DGKB: variants seen among roughly 807,000 people sequenced by gnomAD.
DGKB encodes the protein 90 kDa diacylglycerol kinase.
A neutral mutation model predicts 114.3 loss-of-function variants in DGKB; 67 were observed. The ratio of observed to expected loss-of-function variants is 0.59; its 90% confidence interval spans 0.48 to 0.72. The LOEUF is 0.72. DGKB is among the 30% of genes least tolerant of loss of function. The probability of loss-of-function intolerance (pLI) is 0.00; values close to 1 mark genes in which losing one functional copy is unlikely to be tolerated. For missense variants in DGKB, 907 were observed against 975.2 expected, an observed-to-expected ratio of 0.93 and a Z score of 0.93; for synonymous variants, 398 against 323.1, an observed-to-expected ratio of 1.23 and a Z score of -2.49.
At chr7:14,585,800 CATT>C (rs1800663975) in intron 17 of DGKB, among the ~76,000 whole-genome samples, 1 of 152,076 alleles carries the variant, frequency 6.6e-6, no homozygotes, top group Non-Finnish European at 1.5e-5. Flanking sequence ...CAAGCTTTTT[CATT>C]ATTATTATAT....
chr7:14,382,332 T>C (rs1819615261), intron 21 of DGKB, among the ~76,000 whole-genome samples: 1 of 151,562 alleles, frequency 6.6e-6, no homozygotes, highest in Non-Finnish European at 1.5e-5. Context: ...ACAAGGCACA[T>C]ACAACCTATA....
At chr7:14,609,464 G>A (rs1008136441) in intron 16 of DGKB, among the ~76,000 whole-genome samples, 9 of 151,784 alleles carry the variant, frequency 5.9e-5, no homozygotes, top group African/African-American at 1.5e-4. Context: ...AATACCCCAC[G>A]TGACAATGGC....
At chr7:14,355,088 T>C (rs1409744914) in intron 21 of DGKB, among the ~76,000 whole-genome samples, 2 of 152,114 alleles carry the variant, frequency 1.3e-5, no homozygotes, top group African/African-American at 4.8e-5. Flanking sequence ...GAATTGCTTG[T>C]TCCCCCATCC....
At chr7:14,236,077 G>A (rs1293908732) in intron 23 of DGKB, among the ~76,000 whole-genome samples, 1 of 151,910 alleles carries the variant, frequency 6.6e-6, no homozygotes, top group Non-Finnish European at 1.5e-5. Context: ...AAAAATTACT[G>A]TAAAATATGT....
At chr7:14,697,776 G>GAGAA (rs1227326439) in intron 8 of DGKB, among the ~76,000 whole-genome samples, 1 of 100,776 alleles carries the variant, frequency 9.9e-6, no homozygotes, top group Admixed American at 9.4e-5. Context: ...AAGAAACAAA[G>GAGAA]AGAAAGAAAG....
At chr7:14,922,999 C>G (rs1784581943) in intron 1 of DGKB, among the ~76,000 whole-genome samples, 1 of 152,246 alleles carries the variant, frequency 6.6e-6, no homozygotes, top group Non-Finnish European at 1.5e-5. Flanking sequence ...TTAACATCTC[C>G]CCTTTCTCCA....
chr7:14,312,961 T>A (rs938692570), intron 23 of DGKB, among the ~76,000 whole-genome samples: 13 of 152,210 alleles, frequency 8.5e-5, no homozygotes, highest in Admixed American at 5.9e-4. Context: ...AGAACTGATA[T>A]TATTTTCAAA....
At chr7:14,970,711 C>A (rs1787414637) in intron 1 of DGKB, among the ~76,000 whole-genome samples, 1 of 152,092 alleles carries the variant, frequency 6.6e-6, no homozygotes, top group African/African-American at 2.4e-5. Context: ...GTAATTCTCC[C>A]CCTGACTCCC....
At chr7:14,447,243 C>A (rs545317510) in intron 21 of DGKB, among the ~76,000 whole-genome samples, 41 of 152,250 alleles carry the variant, frequency 2.7e-4, no homozygotes, top group African/African-American at 9.4e-4. Context: ...CAGCCCCTTA[C>A]TGGCAGCCCT....
intron 1 of DGKB, among the ~76,000 whole-genome samples, chr7:14,972,191 A>T (rs532347427): frequency 6.6e-6 from 1 of 152,312 alleles, no homozygotes; most frequent in South Asian, 2.1e-4. Context: ...CATGTATTGC[A>T]AATAAACTAA....
At chr7:14,958,089 T>C (rs1449340452) in intron 1 of DGKB, among the ~76,000 whole-genome samples, 1 of 152,068 alleles carries the variant, frequency 6.6e-6, no homozygotes, top group East Asian at 1.9e-4. Flanking sequence ...ATACAAATTC[T>C]AGATTGTTCT....
chr7:14,284,503 A>G (rs1800509160), intron 23 of DGKB, among the ~76,000 whole-genome samples: 1 of 144,902 alleles, frequency 6.9e-6, no homozygotes, highest in Admixed American at 6.6e-5. Flanking sequence ...CAGCCATCCT[A>G]TTACTGGGTA....
chr7:14,325,991 G>C (rs7798729), intron 23 of DGKB, among the ~76,000 whole-genome samples: 35,715 of 151,620 alleles, frequency 0.24, 5,101 homozygotes, highest in South Asian at 0.37. Context: ...CAAGGAGGTA[G>C]AAAAGTCAGA....
chr7:14,751,053 C>T (rs4721368), intron 4 of DGKB, among the ~76,000 whole-genome samples: 53,966 of 151,674 alleles, frequency 0.36, 13,293 homozygotes, highest in African/African-American at 0.69. Context: ...CCCCAAATGA[C>T]TGGCCCACGT....
chr7:14,621,887 T>C (rs1347304632), intron 14 of DGKB, among the ~76,000 whole-genome samples: 2 of 152,144 alleles, frequency 1.3e-5, no homozygotes, highest in East Asian at 1.9e-4. Context: ...ACATGCAATA[T>C]TGAAAATTAT....
At chr7:14,400,567 G>T (rs780606810) in intron 21 of DGKB, among the ~76,000 whole-genome samples, 3 of 151,716 alleles carry the variant, frequency 2.0e-5, no homozygotes, top group Non-Finnish European at 4.4e-5. Flanking sequence ...AAATAATCCT[G>T]CTTTTCAGCG....
At chr7:14,548,469 C>G (rs1259812353) in intron 20 of DGKB, among the ~76,000 whole-genome samples, 1 of 152,094 alleles carries the variant, frequency 6.6e-6, no homozygotes, top group South Asian at 2.1e-4. Context: ...TGGACAGGAG[C>G]TAGCCTTGTA....
At chr7:14,536,138 A>G (rs1318334828) in intron 20 of DGKB, among the ~76,000 whole-genome samples, 1 of 152,204 alleles carries the variant, frequency 6.6e-6, no homozygotes, top group African/African-American at 2.4e-5. Flanking sequence ...GGTAATGAAT[A>G]AAGAGTTCCA....
chr7:14,203,117 C>T (rs1002596328), intron 23 of DGKB, among the ~76,000 whole-genome samples: 4 of 136,652 alleles, frequency 2.9e-5, no homozygotes, highest in African/African-American at 8.6e-5. Flanking sequence ...AACAGATGTG[C>T]GAATAATCTC....
Sources: gnomAD v4.1 joint callset for allele counts (sites outside exome capture counted in the v4.1 genomes callset) on GRCh38, gnomAD v4.1.1 for gene constraint, MANE v1.5 for transcripts, NCBI Gene and HGNC (gene_info 2026-07-23, HGNC 2026-07-21) for gene names.